The following CCSER1 variants were observed in gnomAD, a reference collection of about 807,000 sequenced individuals.
The protein encoded by CCSER1 is serine-rich coiled-coil domain-containing protein 1.
In CCSER1, 41 loss-of-function variants were observed where a neutral mutation model predicts 82.0. The observed-to-expected ratio is 0.50, with a 90% CI of 0.39 to 0.65. The LOEUF is 0.65. CCSER1 is among the 30% of genes least tolerant of loss of function. The pLI is 0.00. For synonymous variants in CCSER1, 414 were observed against 383.9 expected (o/e 1.08, Z -0.92); for missense variants, 1,119 against 1,064.2 (o/e 1.05, Z -0.72).
intron 10 of CCSER1, 59 bp from the exon 11 acceptor site, chr4:91,598,513 T>C: frequency 2.1e-6 from 3 of 1,461,946 alleles, no homozygotes; most frequent in South Asian, 1.4e-5. Context: ...CTCTGTATTG[T>C]ATGTATGCTA....
chr4:91,131,351 C>G (rs991807642), intron 10 of CCSER1, among the ~76,000 whole-genome samples: 1 of 112,502 alleles, frequency 8.9e-6, no homozygotes, highest in Non-Finnish European at 1.8e-5. Context: ...TTTTTTGATT[C>G]TATGATGTTA....
chr4:90,703,345 T>C (rs545474302), intron 6 of CCSER1, among the ~76,000 whole-genome samples: 6 of 152,352 alleles, frequency 3.9e-5, no homozygotes, highest in Admixed American at 6.5e-5. Context: ...AGACAGTTTG[T>C]TATAATTTCT....
intron 10 of CCSER1, among the ~76,000 whole-genome samples, chr4:91,442,008 G>T (rs1333514703): frequency 6.6e-6 from 1 of 152,142 alleles, no homozygotes; most frequent in African/African-American, 2.4e-5. Flanking sequence ...CATGCTCATG[G>T]ATAGGAAGAA....
intron 7 of CCSER1, among the ~76,000 whole-genome samples, chr4:90,729,464 A>G (rs1189912424): frequency 6.6e-6 from 1 of 152,220 alleles, no homozygotes; most frequent in Non-Finnish European, 1.5e-5. Context: ...TGATTAATGG[A>G]AATGTTTATT....
intron 7 of CCSER1, among the ~76,000 whole-genome samples, chr4:90,757,783 A>G (rs1749770342): frequency 6.8e-6 from 1 of 147,614 alleles, no homozygotes; most frequent in Admixed American, 6.9e-5. Context: ...GGAGCACATC[A>G]AAGAGACTGT....
At chr4:90,385,613 C>G (rs925598989) in intron 3 of CCSER1, among the ~76,000 whole-genome samples, 1 of 151,758 alleles carries the variant, frequency 6.6e-6, no homozygotes, top group Non-Finnish European at 1.5e-5. Context: ...GCGCTCACCA[C>G]CACACCTGGC....
At chr4:91,282,959 G>A (rs1017753830) in intron 10 of CCSER1, among the ~76,000 whole-genome samples, 1 of 151,948 alleles carries the variant, frequency 6.6e-6, no homozygotes, top group Non-Finnish European at 1.5e-5. Context: ...CGTGTGCTAA[G>A]CATAAGAGCT....
At chr4:90,957,382 G>A (rs1420616301) in intron 9 of CCSER1, among the ~76,000 whole-genome samples, 2 of 146,674 alleles carry the variant, frequency 1.4e-5, no homozygotes, top group African/African-American at 5.0e-5. Context: ...TTACAGGCGT[G>A]AGCCACCGTG....
At chr4:91,541,348 A>C (rs1578738268) in intron 10 of CCSER1, among the ~76,000 whole-genome samples, 1 of 152,306 alleles carries the variant, frequency 6.6e-6, no homozygotes, top group East Asian at 1.9e-4. Flanking sequence ...CATTTTTATT[A>C]GGTATATCTC....
intron 1 of CCSER1, among the ~76,000 whole-genome samples, chr4:90,197,082 T>C (rs1430310328): frequency 6.6e-6 from 1 of 152,128 alleles, no homozygotes; most frequent in Non-Finnish European, 1.5e-5. Context: ...AAATTAGGGT[T>C]CCCACGACCC....
At chr4:90,487,279 T>G (rs751366882) in intron 5 of CCSER1, among the ~76,000 whole-genome samples, 2 of 152,230 alleles carry the variant, frequency 1.3e-5, no homozygotes, top group Non-Finnish European at 2.9e-5. Context: ...CCAGAATTCC[T>G]GCTTATTTTC....
intron 10 of CCSER1, among the ~76,000 whole-genome samples, chr4:91,131,699 G>T (rs1187793670): frequency 6.6e-6 from 1 of 152,064 alleles, no homozygotes; most frequent in Non-Finnish European, 1.5e-5. Context: ...AAAAGAAACA[G>T]ATGCAGAGAA....
At chr4:91,497,645 A>G (rs1027582323) in intron 10 of CCSER1, among the ~76,000 whole-genome samples, 1 of 151,806 alleles carries the variant, frequency 6.6e-6, no homozygotes, top group Non-Finnish European at 1.5e-5. Flanking sequence ...TTTTTAAGAG[A>G]TTTTAAAGCT....
intron 5 of CCSER1, among the ~76,000 whole-genome samples, chr4:90,603,252 G>C (rs1490591572): frequency 6.6e-6 from 1 of 152,218 alleles, no homozygotes; most frequent in East Asian, 1.9e-4. Context: ...TTATCTGGAC[G>C]TGCAGACAGA....
chr4:90,572,692 A>G (rs915085028), intron 5 of CCSER1, among the ~76,000 whole-genome samples: 4 of 151,922 alleles, frequency 2.6e-5, no homozygotes, highest in Non-Finnish European at 4.4e-5. Context: ...TTTTAAAAGT[A>G]TATGTTCATT....
intron 7 of CCSER1, among the ~76,000 whole-genome samples, chr4:90,763,307 A>G (rs1750687039): frequency 6.6e-6 from 1 of 152,014 alleles, no homozygotes; most frequent in Admixed American, 6.6e-5. Context: ...TACTAATCTT[A>G]CACAGCCTGG....
At chr4:91,150,380 C>T (rs899216169) in intron 10 of CCSER1, among the ~76,000 whole-genome samples, 1 of 152,168 alleles carries the variant, frequency 6.6e-6, no homozygotes, top group African/African-American at 2.4e-5. Context: ...AGACTTTGGG[C>T]TGGGATGATG....
At chr4:91,370,577 T>C (rs1749964487) in intron 10 of CCSER1, among the ~76,000 whole-genome samples, 1 of 151,720 alleles carries the variant, frequency 6.6e-6, no homozygotes, top group Non-Finnish European at 1.5e-5. Context: ...ACATCTATAG[T>C]CCCAGATACT....
intron 10 of CCSER1, among the ~76,000 whole-genome samples, chr4:91,225,671 C>A (rs1442847348): frequency 6.6e-6 from 1 of 151,734 alleles, no homozygotes; most frequent in African/African-American, 2.4e-5. Context: ...CATTGACCTG[C>A]TGCATGTTTT....
Sources: allele counts gnomAD v4.1 joint callset (sites outside exome capture counted in the v4.1 genomes callset), GRCh38; gene constraint gnomAD v4.1.1; transcripts MANE v1.5; gene names NCBI Gene and HGNC (gene_info 2026-07-23, HGNC 2026-07-21).